FHIT: variants seen among roughly 807,000 people sequenced by gnomAD.
FHIT encodes fragile histidine triad diadenosine triphosphatase.
In FHIT, 19 loss-of-function variants were observed where a neutral mutation model predicts 17.9. The observed-to-expected ratio is 1.06, with a 90% confidence interval of 0.74 to 1.56. The LOEUF (loss-of-function observed/expected upper bound fraction) is 1.56, where lower values mean the gene tolerates loss of function less well. Among genes scored for constraint, FHIT ranks in the 40% most tolerant of loss-of-function variants. The pLI is 0.00. For synonymous variants in FHIT, 81 were observed against 69.7 expected (o/e 1.16, Z -0.81); for missense variants, 248 against 189.2 (o/e 1.31, Z -1.82).
At chr3:60,771,972 A>G (rs951116395) in intron 4 of FHIT, among the ~76,000 whole-genome samples, 1 of 152,216 alleles carries the variant, frequency 6.6e-6, no homozygotes, top group Non-Finnish European at 1.5e-5. Flanking sequence ...GGAGTGCCCA[A>G]TCCAGGCAAC....
At chr3:60,056,588 G>C (rs1478984347) in intron 5 of FHIT, among the ~76,000 whole-genome samples, 2 of 152,158 alleles carry the variant, frequency 1.3e-5, no homozygotes, top group Non-Finnish European at 2.9e-5. Context: ...TTGCTCTGTT[G>C]TTCTTCCAGC....
At chr3:60,839,314 T>C (rs1553744457) in intron 3 of FHIT, among the ~76,000 whole-genome samples, 1 of 152,078 alleles carries the variant, frequency 6.6e-6, no homozygotes, top group Non-Finnish European at 1.5e-5. Context: ...TAATGGCCAA[T>C]AAAAGTAAAA....
intron 4 of FHIT, among the ~76,000 whole-genome samples, chr3:60,795,050 C>T (rs1700928929): frequency 1.3e-5 from 2 of 152,280 alleles, no homozygotes; most frequent in South Asian, 4.1e-4. Flanking sequence ...TACACATATG[C>T]ACAAGGACAC....
chr3:60,865,333 T>C (rs748450257), intron 3 of FHIT, among the ~76,000 whole-genome samples: 17 of 152,180 alleles, frequency 1.1e-4, no homozygotes, highest in Non-Finnish European at 2.4e-4. Context: ...TAGCCCCATT[T>C]CAAGTCCTCA....
At chr3:60,893,807 A>C (rs542547577) in intron 3 of FHIT, among the ~76,000 whole-genome samples, 13 of 152,278 alleles carry the variant, frequency 8.5e-5, no homozygotes, top group African/African-American at 2.9e-4. Flanking sequence ...CAACCAAATT[A>C]AAGTCAAGGA....
intron 4 of FHIT, among the ~76,000 whole-genome samples, chr3:60,716,616 C>T (rs964868443): frequency 2.6e-5 from 4 of 152,102 alleles, no homozygotes; most frequent in Admixed American, 2.0e-4. Flanking sequence ...TTATAGTTAA[C>T]TGTTCTTTAA....
intron 5 of FHIT, among the ~76,000 whole-genome samples, chr3:60,342,546 T>C (rs1308629403): frequency 6.6e-6 from 1 of 152,250 alleles, no homozygotes; most frequent in Non-Finnish European, 1.5e-5. Context: ...ATAGATTGAA[T>C]ATTCTTCTCT....
At chr3:61,001,264 C>G (rs2031062966) in intron 3 of FHIT, among the ~76,000 whole-genome samples, 1 of 152,060 alleles carries the variant, frequency 6.6e-6, no homozygotes, top group Non-Finnish European at 1.5e-5. Context: ...CATTTTAAAA[C>G]AAAAAATAAA....
chr3:60,039,568 T>C (rs1559572751), intron 5 of FHIT, among the ~76,000 whole-genome samples: 1 of 152,246 alleles, frequency 6.6e-6, no homozygotes, highest in Non-Finnish European at 1.5e-5. Flanking sequence ...GAGAGCTGGA[T>C]TATCACTAAG....
intron 7 of FHIT, among the ~76,000 whole-genome samples, chr3:59,965,198 A>T (rs1707867878): frequency 6.6e-6 from 1 of 152,106 alleles, no homozygotes; most frequent in East Asian, 1.9e-4. Context: ...TACTTTCTAA[A>T]TTTGTAGGGC....
At chr3:60,321,357 T>C (rs1300488663) in intron 5 of FHIT, among the ~76,000 whole-genome samples, 1 of 152,072 alleles carries the variant, frequency 6.6e-6, no homozygotes. Context: ...ACACCTGTAG[T>C]CTCAGCTACT....
chr3:60,365,124 T>C (rs896077146), intron 5 of FHIT, among the ~76,000 whole-genome samples: 1 of 149,230 alleles, frequency 6.7e-6, no homozygotes, highest in Non-Finnish European at 1.5e-5. Flanking sequence ...ATATATATAA[T>C]ACTAAGACCT....
chr3:60,174,709 G>A (rs1252090360), intron 5 of FHIT, among the ~76,000 whole-genome samples: 1 of 150,562 alleles, frequency 6.6e-6, no homozygotes, highest in African/African-American at 2.4e-5. Context: ...ACCACTCAGT[G>A]GCATTTATTA....
intron 8 of FHIT, among the ~76,000 whole-genome samples, chr3:59,883,451 G>A (rs1362655553): frequency 6.6e-6 from 1 of 152,194 alleles, no homozygotes; most frequent in Non-Finnish European, 1.5e-5. Context: ...GAATGAGAAC[G>A]AAGTGCAAGG....
chr3:60,190,279 AG>A (rs1392048222), intron 5 of FHIT, among the ~76,000 whole-genome samples: 5 of 151,896 alleles, frequency 3.3e-5, no homozygotes, highest in Admixed American at 2.6e-4. Context: ...TGCTTTTCTG[AG>A]ATGGCTGAGA....
chr3:60,442,845 T>A (rs1375657523), intron 5 of FHIT, among the ~76,000 whole-genome samples: 1 of 152,110 alleles, frequency 6.6e-6, no homozygotes, highest in Non-Finnish European at 1.5e-5. Flanking sequence ...TGGCATTGAA[T>A]CTGTAAATTA....
chr3:59,766,723 C>T (rs1451136816), intron 8 of FHIT, among the ~76,000 whole-genome samples: 1 of 152,178 alleles, frequency 6.6e-6, no homozygotes, highest in Non-Finnish European at 1.5e-5. Context: ...GTTTGGAAGG[C>T]TTTGCAGCTC....
At chr3:61,016,490 T>A (rs2032113778) in intron 3 of FHIT, among the ~76,000 whole-genome samples, 1 of 152,224 alleles carries the variant, frequency 6.6e-6, no homozygotes, top group Admixed American at 6.5e-5. Flanking sequence ...TGCAGCTATT[T>A]GTTTAAACAA....
At chr3:61,049,860 A>C (rs1212585945) in intron 2 of FHIT, among the ~76,000 whole-genome samples, 3 of 152,154 alleles carry the variant, frequency 2.0e-5, no homozygotes, top group African/African-American at 7.2e-5. Context: ...AGCAGGTCAT[A>C]AGACCATTTT....
Sources: gnomAD v4.1 joint callset for allele counts (sites outside exome capture counted in the v4.1 genomes callset) on GRCh38, gnomAD v4.1.1 for gene constraint, MANE v1.5 for transcripts, NCBI Gene and HGNC (gene_info 2026-07-23, HGNC 2026-07-21) for gene names.